The following LACTB2 variants were observed in gnomAD, a reference collection of about 807,000 sequenced individuals.
The protein encoded by LACTB2 is endoribonuclease LACTB2.
Under a neutral mutation model 34.8 loss-of-function variants are expected in LACTB2, and 32 were observed. That is an observed-to-expected ratio of 0.92 (90% confidence interval 0.69 to 1.24). The LOEUF is 1.24. Among genes scored for constraint, LACTB2 ranks in the 50% most tolerant of loss-of-function variants. LACTB2 has a pLI of 0.00. For synonymous variants in LACTB2, 120 were observed against 117.5 expected (o/e 1.02, Z -0.14); for missense variants, 320 against 345.0 (o/e 0.93, Z 0.57).
chr8:70,641,859 C>T (rs746863589), intron 4 of LACTB2, among the ~76,000 whole-genome samples: 3 of 152,158 alleles, frequency 2.0e-5, no homozygotes, highest in Non-Finnish European at 2.9e-5. Context: ...TAACCTATTA[C>T]GGGATCTGGT....
At chr8:70,643,790 G>T (rs948753427) in intron 4 of LACTB2, among the ~76,000 whole-genome samples, 1 of 152,156 alleles carries the variant, frequency 6.6e-6, no homozygotes, top group Non-Finnish European at 1.5e-5. Context: ...TGGGATTACA[G>T]GTGTGAGCCA....
intron 2 of LACTB2, among the ~76,000 whole-genome samples, chr8:70,659,327 T>A (rs546098985): frequency 6.6e-6 from 1 of 152,264 alleles, no homozygotes; most frequent in East Asian, 1.9e-4. Flanking sequence ...GGGGAATGAC[T>A]ACAATTTCCC....
At chr8:70,654,302 T>G (rs977390559) in intron 3 of LACTB2, among the ~76,000 whole-genome samples, 2 of 151,850 alleles carry the variant, frequency 1.3e-5, no homozygotes, top group African/African-American at 4.8e-5. Context: ...CCCAGGAATA[T>G]TTGTATATGG....
chr8:70,655,131 T>C (rs1211662207), intron 3 of LACTB2, among the ~76,000 whole-genome samples: 1 of 148,704 alleles, frequency 6.7e-6, no homozygotes, highest in Non-Finnish European at 1.5e-5. Flanking sequence ...GAACAAACAA[T>C]GTTTGGTTTT....
chr8:70,644,248 T>C lies in LACTB2; in HGVS notation c.414-5A>G. ...TGGCCAGGGGTATATAGAACTCTGG[T>C]TGAAAGAAGAAATAAGGAATAATAA... On this transcript the variant is annotated splice_region_variant and splice_polypyrimidine_tract_variant and intron_variant, in intron 3 of 6. Coordinates refer to ENST00000276590, the MANE Select transcript of LACTB2 (RefSeq NM_016027.3). 6.5e-7 allele frequency: 1 copy of C among 1,543,708 alleles called. No homozygotes were observed. Among genetic ancestry groups the C allele is most frequent in the Non-Finnish European group, 8.7e-7 (1 of 1,147,424 alleles).
At chr8:70,638,825 C>G (rs1056039325) in intron 5 of LACTB2, among the ~76,000 whole-genome samples, 196 bp from the exon 6 acceptor site, 1 of 150,228 alleles carries the variant, frequency 6.7e-6, no homozygotes, top group Non-Finnish European at 1.5e-5. Flanking sequence ...CTGCAACCTC[C>G]GCCTCCCAGG....
In LACTB2 at chr8:70,669,154, T is replaced by A. The variant is rs779597146; in HGVS notation, c.-34A>T. 5.6e-6 allele frequency: 9 copies of A among 1,609,842 alleles called. No individual in the cohort carries two copies. Among genetic ancestry groups the A allele is most frequent in the Non-Finnish European group, 7.6e-6 (9 of 1,178,262 alleles). On this transcript the variant is annotated 5_prime_UTR_variant, in exon 1 of 7. Transcript: ENST00000276590. Reference sequence around the variant, plus strand: ...CAGCCGCCCGCCGGCGTGTCGCCTATCTGGATACTCCAGCGCGGAAGAAGC... The same window carrying A: ...CAGCCGCCCGCCGGCGTGTCGCCTAACTGGATACTCCAGCGCGGAAGAAGC...
intron 3 of LACTB2, chr8:70,646,056 TGA>T (rs1234284215): frequency 6.6e-6 from 1 of 152,222 alleles, no homozygotes; most frequent in Non-Finnish European, 1.5e-5. Context: ...TCTAGATCCC[TGA>T]GGAATCGCCA....
chr8:70,638,459 T>G, intron 6 of LACTB2, 89 bp downstream of exon 6: 1 of 1,322,188 alleles, frequency 7.6e-7, no homozygotes, highest in Non-Finnish European at 1.0e-6. Context: ...AGAACTCTGA[T>G]GGGTATTATT....
intron 1 of LACTB2, among the ~76,000 whole-genome samples, chr8:70,666,462 G>T (rs146577139): frequency 6.6e-6 from 1 of 152,332 alleles, no homozygotes; most frequent in African/African-American, 2.4e-5. Context: ...TGAAGGCCCT[G>T]AGACAGGGAA....
intron 3 of LACTB2, among the ~76,000 whole-genome samples, chr8:70,648,178 A>T (rs1818288057): frequency 6.6e-6 from 1 of 152,202 alleles, no homozygotes; most frequent in Non-Finnish European, 1.5e-5. Context: ...AAGCCTACGG[A>T]AGACTCCCCC....
At chr8:70,655,111 A>G (rs1818393561) in intron 3 of LACTB2, among the ~76,000 whole-genome samples, 1 of 151,662 alleles carries the variant, frequency 6.6e-6, no homozygotes, top group African/African-American at 2.4e-5. Flanking sequence ...TAGGTTCCAC[A>G]TATCAGTGAG....
At chr8:70,652,808 G>A (rs1818359716) in intron 3 of LACTB2, 1 of 152,152 alleles carries the variant, frequency 6.6e-6, no homozygotes, top group Non-Finnish European at 1.5e-5. Flanking sequence ...TTAAAAAAAT[G>A]ACCTGTTCCA....
intron 3 of LACTB2, 111 bp from the exon 4 acceptor site, chr8:70,644,354 G>T: frequency 1.4e-6 from 1 of 690,738 alleles, no homozygotes; most frequent in Non-Finnish European, 2.2e-6. Context: ...ATAAACAGAT[G>T]AGTTAAAAAG....
chr8:70,647,065 G>C (rs989093849), intron 3 of LACTB2, among the ~76,000 whole-genome samples: 1 of 151,960 alleles, frequency 6.6e-6, no homozygotes, highest in African/African-American at 2.4e-5. Context: ...CACTACTTTG[G>C]GTTGGGCATT....
intron 3 of LACTB2, 146 bp from the exon 4 acceptor site, chr8:70,644,389 C>T: frequency 2.0e-6 from 1 of 498,266 alleles, no homozygotes; most frequent in South Asian, 6.2e-5. Context: ...CTTGAACCCA[C>T]TGAAAATTAT....
At chr8:70,645,542 C>T (rs983035090) in intron 3 of LACTB2, among the ~76,000 whole-genome samples, 4 of 151,370 alleles carry the variant, frequency 2.6e-5, no homozygotes, top group East Asian at 1.9e-4. Context: ...ATGTGCACAA[C>T]GTGCAGGTTA....
chr8:70,645,773 C>T (rs1020297304), intron 3 of LACTB2, among the ~76,000 whole-genome samples: 5 of 151,132 alleles, frequency 3.3e-5, no homozygotes, highest in Admixed American at 6.6e-5. Flanking sequence ...CGATAGTTTG[C>T]TGAGAATGAT....
In LACTB2 at chr8:70,645,296, T is replaced by C. The variant is rs1484893376; in HGVS notation, c.414-1053A>G. 2.6e-5 allele frequency among the ~76,000 whole-genome samples: 4 copies of C among 152,242 alleles called. No individual in the cohort carries two copies. In the South Asian group the frequency reaches 8.3e-4, roughly 32 times the overall value. Reference sequence around the variant, plus strand: ...ACGCTTGGCTAATTTATTTTTATTTTTTTGTAAAGACAAGGTCTCTTTATG... The same window carrying C: ...ACGCTTGGCTAATTTATTTTTATTTCTTTGTAAAGACAAGGTCTCTTTATG... On this transcript the variant is annotated intron_variant, in intron 3 of 6. Coordinates refer to ENST00000276590, the MANE Select transcript of LACTB2 (RefSeq NM_016027.3).
Sources: allele counts gnomAD v4.1 joint callset (sites outside exome capture counted in the v4.1 genomes callset), GRCh38; gene constraint gnomAD v4.1.1; transcripts MANE v1.5; gene names NCBI Gene and HGNC (gene_info 2026-07-23, HGNC 2026-07-21).